Variants in SLC27A2 observed in about 807,000 individuals in gnomAD.
The protein encoded by SLC27A2 is long-chain fatty acid transport protein 2.
SLC27A2 carries 54 observed loss-of-function variants against 60.0 expected under a neutral mutation model. The ratio of observed to expected loss-of-function variants is 0.90; its 90% CI spans 0.72 to 1.13. SLC27A2 has a LOEUF of 1.13. Among genes scored for constraint, SLC27A2 ranks in the 50% most tolerant of loss-of-function variants. The probability of loss-of-function intolerance (pLI) is 0.00; values close to 1 mark genes in which losing one functional copy is unlikely to be tolerated. For missense variants in SLC27A2, 739 were observed against 777.6 expected (o/e 0.95, Z 0.59); for synonymous variants, 297 against 297.6 (o/e 1.00, Z 0.02).
chr15:50,225,228 A>T (rs937274094), intron 5 of SLC27A2, among the ~76,000 whole-genome samples: 1 of 152,230 alleles, frequency 6.6e-6, no homozygotes, highest in African/African-American at 2.4e-5. Context: ...CACAGTAATC[A>T]TGGCTAATAA....
chr15:50,201,531 C>G (rs1285099694), intron 2 of SLC27A2, among the ~76,000 whole-genome samples: 1 of 149,478 alleles, frequency 6.7e-6, no homozygotes, highest in Non-Finnish European at 1.5e-5. Context: ...GCAGCAGAGA[C>G]AAAAAACATG....
At chr15:50,193,188 C>T (rs1458043543) in intron 1 of SLC27A2, among the ~76,000 whole-genome samples, 2 of 152,220 alleles carry the variant, frequency 1.3e-5, no homozygotes, top group Non-Finnish European at 2.9e-5. Flanking sequence ...ACCGTCTGCT[C>T]ATCTTTCAGG....
intron 1 of SLC27A2, chr15:50,190,978 A>G (rs1891989527): frequency 1.3e-5 from 2 of 152,276 alleles, no homozygotes; most frequent in Non-Finnish European, 2.9e-5. Context: ...CCAAGCAGCC[A>G]GCCTCTTCCA....
At chr15:50,205,511 C>A in intron 4 of SLC27A2, 148 bp downstream of exon 4, 2 of 656,070 alleles carry the variant, frequency 3.0e-6, no homozygotes, top group East Asian at 3.1e-5. Flanking sequence ...GGCACTATAC[C>A]TACCATATAG....
At position 50,208,459 on chromosome 15, in the gene SLC27A2, A is replaced by G. The variant is rs191951914; in HGVS notation, c.972+3096A>G. ...CGTCAGCCAACAAGGAGATAATAGTACCTACCTCACATGGGGTCTATGAAG... is the reference window on the plus strand; with the variant it reads ...CGTCAGCCAACAAGGAGATAATAGTGCCTACCTCACATGGGGTCTATGAAG... On this transcript the variant is annotated intron_variant, in intron 4 of 9. Transcript: ENST00000267842. 5.3e-5 allele frequency among the ~76,000 whole-genome samples: 8 copies of G among 152,304 alleles called. No homozygotes were observed. In the East Asian group the frequency reaches 1.3e-3, roughly 26 times the overall value.
At chr15:50,218,479 G>A (rs1054485002) in intron 4 of SLC27A2, among the ~76,000 whole-genome samples, 1 of 152,082 alleles carries the variant, frequency 6.6e-6, no homozygotes, top group African/African-American at 2.4e-5. Context: ...AATAAAATTA[G>A]TGCAGGAAAA....
chr15:50,220,473 G>A (rs8034698), intron 4 of SLC27A2, among the ~76,000 whole-genome samples: 1 of 152,206 alleles, frequency 6.6e-6, no homozygotes, highest in Non-Finnish European at 1.5e-5. Context: ...GGAAATAAAC[G>A]AAGTGGGTAG....
At position 50,225,934 on chromosome 15, in the gene SLC27A2, A is replaced by C. The variant is rs1384295867; in HGVS notation, c.1168-54A>C. On this transcript the variant is annotated intron_variant, in intron 5 of 9. Transcript: ENST00000267842. ...ATATACTTTGTGTTATACCACAATT[A>C]AAAAGGGAAAAATTATAAAAGATTT... is the stretch of plus-strand genomic sequence containing the variant. 10 of 1,295,802 alleles carry C rather than the reference A, an allele frequency of 7.7e-6. No individual in the cohort carries two copies. The South Asian group carries it at 1.3e-4, about 17-fold the overall frequency. The allele number at this position is 1,295,802 out of a possible 1,614,324, so 80.3% of individuals were successfully genotyped here.
intron 5 of SLC27A2, among the ~76,000 whole-genome samples, chr15:50,224,120 A>G (rs1256259743): frequency 2.0e-5 from 3 of 152,216 alleles, no homozygotes; most frequent in Non-Finnish European, 4.4e-5. Flanking sequence ...TGCCTAGCCC[A>G]CACTCGATAA....
At chr15:50,184,579 T>G (rs1401220920) in intron 1 of SLC27A2, among the ~76,000 whole-genome samples, 1 of 152,000 alleles carries the variant, frequency 6.6e-6, no homozygotes, top group African/African-American at 2.4e-5. Flanking sequence ...CTCAAGCCTG[T>G]AATCCCAGCA....
At chr15:50,211,222 G>T (rs538603803) in intron 4 of SLC27A2, among the ~76,000 whole-genome samples, 1 of 152,168 alleles carries the variant, frequency 6.6e-6, no homozygotes, top group Non-Finnish European at 1.5e-5. Context: ...GGATCCCATG[G>T]AGTCATTGCA....
At chr15:50,231,581 A>T (rs1302321773) in intron 8 of SLC27A2, among the ~76,000 whole-genome samples, 2 of 152,374 alleles carry the variant, frequency 1.3e-5, no homozygotes, top group Non-Finnish European at 2.9e-5. Flanking sequence ...TTGGCCAATC[A>T]TCAGAACCAT....
chr15:50,184,522 A>C (rs1393232900), intron 1 of SLC27A2, among the ~76,000 whole-genome samples: 1 of 152,148 alleles, frequency 6.6e-6, no homozygotes, highest in Admixed American at 6.5e-5. Context: ...TAGGCTTTGT[A>C]TAAAAGTTTA....
At chr15:50,190,805 C>G (rs1198275581) in intron 1 of SLC27A2, among the ~76,000 whole-genome samples, 2 of 151,828 alleles carry the variant, frequency 1.3e-5, no homozygotes, top group Admixed American at 6.6e-5. Flanking sequence ...GATGAAGAAC[C>G]GACTGATGGA....
At chr15:50,215,541 A>G (rs181806095) in intron 4 of SLC27A2, among the ~76,000 whole-genome samples, 1 of 152,318 alleles carries the variant, frequency 6.6e-6, no homozygotes, top group Admixed American at 6.5e-5. Flanking sequence ...ATCTGGAGGC[A>G]TTACATTACC....
chr15:50,194,608 A>G (rs1442357674), intron 1 of SLC27A2, among the ~76,000 whole-genome samples: 1 of 152,182 alleles, frequency 6.6e-6, no homozygotes, highest in East Asian at 1.9e-4. Context: ...GATAAATTAG[A>G]AGCAGGAAGA....
Position 50,182,463 on chromosome 15 carries a change from G to A in SLC27A2, c.36G>A (p.Leu12=), listed in dbSNP as rs1338070887. Residue 12 remains leucine (L), a synonymous_variant, in exon 1 of 10, where the codon CTG becomes CTA. Coordinates refer to ENST00000267842, the MANE Select transcript of SLC27A2 (RefSeq NM_003645.4). ...CCATCTACACAGTCCTGGCGGGACT[G>A]CTGTTCCTGCCGCTCCTGGTGAACC... The part of the protein sequence containing the change: ...LSAIYTVLAG[L]LFLPLLVNLC... The A allele has an allele frequency of 6.2e-7, 1 of 1,607,188 alleles. No individual in the cohort carries two copies. The highest frequency in any genetic ancestry group is 1.3e-5 in the African/African-American group (1 of 74,956).
intron 4 of SLC27A2, among the ~76,000 whole-genome samples, chr15:50,209,703 G>A (rs1161325490): frequency 6.6e-6 from 1 of 152,198 alleles, no homozygotes; most frequent in East Asian, 1.9e-4. Flanking sequence ...ACAGAAGGAT[G>A]AAGGGCCTCT....
intron 5 of SLC27A2, among the ~76,000 whole-genome samples, chr15:50,223,394 TG>T (rs1019638452): frequency 3.9e-5 from 6 of 152,230 alleles, no homozygotes; most frequent in Non-Finnish European, 5.9e-5. Flanking sequence ...CCTTGCCATC[TG>T]CAACTTAGGT....
Sources: allele counts gnomAD v4.1 joint callset (sites outside exome capture counted in the v4.1 genomes callset), GRCh38; gene constraint gnomAD v4.1.1; transcripts MANE v1.5; gene names NCBI Gene and HGNC (gene_info 2026-07-23, HGNC 2026-07-21).